The following SCN7A variants were observed in gnomAD, a reference collection of about 807,000 sequenced individuals.
The protein encoded by SCN7A is sodium channel protein type 7 subunit alpha.
In SCN7A, 138 loss-of-function variants were observed where a neutral mutation model predicts 155.2. The observed-to-expected ratio is 0.89, with a 90% CI of 0.77 to 1.02. The LOEUF is 1.02. Among genes scored for constraint, SCN7A ranks in the 50% least tolerant of loss-of-function variants. The probability of loss-of-function intolerance (pLI) is 0.00; values close to 1 mark genes in which losing one functional copy is unlikely to be tolerated. For synonymous variants in SCN7A, 693 were observed against 649.0 expected (o/e 1.07, Z -1.03); for missense variants, 2,058 against 1,986.6 (o/e 1.04, Z -0.68).
chr2:166,412,935 T>C, intron 22 of SCN7A, 133 bp downstream of exon 22: 2 of 867,370 alleles, frequency 2.3e-6, no homozygotes, highest in Non-Finnish European at 3.5e-6. Flanking sequence ...CCTGGAAGAA[T>C]TTCATTGCCA....
chr2:166,452,995 T>C (rs1263252117), intron 11 of SCN7A, among the ~76,000 whole-genome samples: 11 of 152,188 alleles, frequency 7.2e-5, no homozygotes, highest in Admixed American at 3.3e-4. Context: ...GTTTCTCTGT[T>C]GAAACAGCCA....
At chr2:166,454,869 C>T (rs1044526717) in intron 11 of SCN7A, among the ~76,000 whole-genome samples, 3 of 152,084 alleles carry the variant, frequency 2.0e-5, no homozygotes, top group Admixed American at 6.6e-5. Context: ...TCGAAAACTT[C>T]CTTAATGCTA....
chr2:166,432,826 A>G (rs1262707413), intron 15 of SCN7A, 74 bp from the exon 16 acceptor site: 1 of 1,062,162 alleles, frequency 9.4e-7, no homozygotes, highest in East Asian at 2.6e-5. Flanking sequence ...GTTTGTTTAC[A>G]AAACTGATGA....
intron 9 of SCN7A, among the ~76,000 whole-genome samples, chr2:166,465,145 G>A (rs528374906): frequency 5.3e-5 from 8 of 152,298 alleles, no homozygotes; most frequent in African/African-American, 1.9e-4. Context: ...CGTCTGCTAT[G>A]TGAGGACACA....
chr2:166,422,687 T>C (rs1285968433), intron 19 of SCN7A, among the ~76,000 whole-genome samples: 1 of 152,280 alleles, frequency 6.6e-6, no homozygotes, highest in East Asian at 1.9e-4. Context: ...GAGCATTGAT[T>C]GCAAAGATTG....
intron 2 of SCN7A, among the ~76,000 whole-genome samples, chr2:166,480,059 T>A (rs1256776469): frequency 6.6e-6 from 1 of 152,212 alleles, no homozygotes; most frequent in African/African-American, 2.4e-5. Context: ...ATTTCACATG[T>A]TAAACTTTAT....
Position 166,409,864 on chromosome 2 carries a change from T to C in SCN7A, c.3783A>G (p.Ile1261Met). 3.2e-6 allele frequency: 5 copies of C among 1,569,592 alleles called. No individual in the cohort carries two copies. The highest frequency in any genetic ancestry group is 2.3e-5 in the South Asian group (2 of 85,490). ...QAFNVIVMVL[I>M]CFQAIAMMID... ...TCATCATGGCTATTGCTTGGAAACA[T>C]ATAAGAACCATAACAATGACATTAA... The change falls in exon 25 of 26, where the codon ATA becomes ATG. Residue 1261 changes from isoleucine to methionine, a missense_variant. Transcript: ENST00000643258.
rs35675449 is a variant in SCN7A at position 166,404,824 on chromosome 2, G to GAAAAAAAAAAA, written c.*745_*755dup. 121 of 61,684 alleles carry GAAAAAAAAAAA rather than the reference G, an allele frequency of 2.0e-3. 2 individuals carry two copies. Among genetic ancestry groups the GAAAAAAAAAAA allele is most frequent in the Admixed American group, 2.1e-3 (10 of 4,716 alleles). The allele number at this position is 61,684 out of a possible 1,614,324, so 3.8% of individuals were successfully genotyped here. On this transcript the variant is annotated 3_prime_UTR_variant, in exon 26 of 26. Transcript: ENST00000643258. The stretch of plus-strand genomic sequence containing the variant: ...AAATAGGTGTAAATGAGAAGAAAAT[G>GAAAAAAAAAAA]AAAAAAAAAAAAAAAAAAAAGGCTA...
At chr2:166,412,874 T>C (rs1701231631) in intron 22 of SCN7A, among the ~76,000 whole-genome samples, 194 bp downstream of exon 22, 1 of 152,128 alleles carries the variant, frequency 6.6e-6, no homozygotes, top group Admixed American at 6.6e-5. Flanking sequence ...TTGCAAAGTC[T>C]GGTAATCTTT....
At chr2:166,406,823 C>T (rs1701086979) in intron 25 of SCN7A, among the ~76,000 whole-genome samples, 177 bp from the exon 26 acceptor site, 1 of 151,980 alleles carries the variant, frequency 6.6e-6, no homozygotes, top group Non-Finnish European at 1.5e-5. Context: ...TTGGGTCAGC[C>T]AAACACCTAT....
chr2:166,477,098 T>C (rs1371107093), intron 3 of SCN7A, among the ~76,000 whole-genome samples: 1 of 152,044 alleles, frequency 6.6e-6, no homozygotes, highest in East Asian at 1.9e-4. Flanking sequence ...GTTCATCATA[T>C]TGAACATTTT....
At chr2:166,450,371 T>C (rs1702150785) in intron 11 of SCN7A, among the ~76,000 whole-genome samples, 1 of 152,084 alleles carries the variant, frequency 6.6e-6, no homozygotes, top group East Asian at 1.9e-4. Context: ...TATCGCTCAC[T>C]ACCTGGGTGA....
At chr2:166,486,484 G>A (rs898386029) in intron 2 of SCN7A, among the ~76,000 whole-genome samples, 3 of 152,186 alleles carry the variant, frequency 2.0e-5, no homozygotes, top group African/African-American at 7.2e-5. Flanking sequence ...CGAGTACAGA[G>A]AAGATGAGAG....
intron 7 of SCN7A, among the ~76,000 whole-genome samples, chr2:166,469,938 T>C (rs544799258): frequency 1.3e-5 from 2 of 152,080 alleles, no homozygotes; most frequent in Admixed American, 1.3e-4. Flanking sequence ...ATTCCTCCTT[T>C]GTTTTCTTGA....
chr2:166,490,046 G>A (rs1023181104), intron 1 of SCN7A, among the ~76,000 whole-genome samples: 2 of 151,808 alleles, frequency 1.3e-5, no homozygotes, highest in Admixed American at 1.3e-4. Context: ...ATTGTGGAAT[G>A]ATTATATCAA....
rs1702825985 is a variant in SCN7A, at chr2:166,477,535, A to G, written c.162T>C (p.Tyr54=). 2 of 1,562,650 alleles carry G rather than the reference A, an allele frequency of 1.3e-6. No individual in the cohort carries two copies. The highest frequency in any genetic ancestry group is 1.7e-6 in the Non-Finnish European group (2 of 1,151,544). Residue 54 remains tyrosine, a synonymous_variant, in exon 3 of 26, where the codon TAT becomes TAC. Transcript: ENST00000643258. ...ACACCATTCCTTGAGAAAGGTTTCC[A>G]TAAATAAATGGAAGCTTTTTGCCAA... The part of the protein sequence containing the change: ...LEVGKKLPFI[Y]GNLSQGMVSE...
intron 25 of SCN7A, among the ~76,000 whole-genome samples, chr2:166,407,164 T>C (rs1366159191): frequency 6.6e-6 from 1 of 152,008 alleles, no homozygotes; most frequent in Non-Finnish European, 1.5e-5. Context: ...ATGTCTGGCA[T>C]TCAGTGATTC....
chr2:166,416,372 C>G (rs1477243208), intron 21 of SCN7A, among the ~76,000 whole-genome samples: 1 of 152,052 alleles, frequency 6.6e-6, no homozygotes, highest in Non-Finnish European at 1.5e-5. Context: ...CTTTTGAAAT[C>G]CTTAATAAAA....
At chr2:166,475,095 C>CAT (rs1344211507) in intron 3 of SCN7A, among the ~76,000 whole-genome samples, 1 of 84,506 alleles carries the variant, frequency 1.2e-5, no homozygotes, top group Non-Finnish European at 2.6e-5. Flanking sequence ...TATATATACA[C>CAT]ATATATATGT....
Sources: gnomAD v4.1 joint callset for allele counts (sites outside exome capture counted in the v4.1 genomes callset) on GRCh38, gnomAD v4.1.1 for gene constraint, MANE v1.5 for transcripts, NCBI Gene and HGNC (gene_info 2026-07-23, HGNC 2026-07-21) for gene names.